MLLT3: variants seen among roughly 807,000 people sequenced by gnomAD.
MLLT3 encodes protein AF-9.
In MLLT3, 4 loss-of-function variants were observed where a neutral mutation model predicts 53.2. The observed-to-expected ratio is 0.08, with a 90% CI of 0.04 to 0.17. The LOEUF (loss-of-function observed/expected upper bound fraction) is 0.17, where lower values mean the gene tolerates loss of function less well. Ranked by LOEUF, MLLT3 falls within the 10% of genes least tolerant of loss-of-function variation. The pLI is 1.00. For missense variants in MLLT3, 569 were observed against 684.0 expected, an observed-to-expected ratio of 0.83 and a Z score of 1.87; for synonymous variants, 283 against 230.6, an observed-to-expected ratio of 1.23 and a Z score of -2.06.
chr9:20,491,300 G>GA (rs1260623113), intron 2 of MLLT3, among the ~76,000 whole-genome samples: 1 of 151,538 alleles, frequency 6.6e-6, no homozygotes, highest in African/African-American at 2.4e-5. Context: ...ATTATATGAA[G>GA]AAAAAAATGA....
At chr9:20,545,024 G>C (rs1000697017) in intron 2 of MLLT3, among the ~76,000 whole-genome samples, 3 of 148,088 alleles carry the variant, frequency 2.0e-5, no homozygotes, top group African/African-American at 7.6e-5. Context: ...GAACACAGGA[G>C]CTCGAGGTTA....
intron 5 of MLLT3, among the ~76,000 whole-genome samples, chr9:20,389,007 G>A (rs566833940): frequency 6.6e-6 from 1 of 152,226 alleles, no homozygotes; most frequent in Admixed American, 6.5e-5. Flanking sequence ...AGAAAGTAAT[G>A]TTTCATCAGT....
chr9:20,545,953 A>G (rs956859038), intron 2 of MLLT3, among the ~76,000 whole-genome samples: 1 of 152,160 alleles, frequency 6.6e-6, no homozygotes, highest in African/African-American at 2.4e-5. Context: ...AAGTGTTTCA[A>G]TGCTGCAGTG....
rs181001395 is a variant in MLLT3 at position 20,362,077 on chromosome 9, T to A, written c.1332-1236A>T. Among the ~76,000 whole-genome samples, 360 of 152,340 alleles carry A rather than the reference T, an allele frequency of 2.4e-3. 1 individual carries two copies. Among genetic ancestry groups the A allele is most frequent in the Admixed American group, 3.9e-3 (60 of 15,314 alleles). ...CTTGAGTGAAGTGGAAGGCTAAGTA[T>A]TTAAACTGATTAAACAGTTGAGACT... On this transcript the variant is annotated intron_variant, in intron 7 of 10. Coordinates refer to ENST00000380338, the MANE Select transcript of MLLT3 (RefSeq NM_004529.4).
chr9:20,356,221 C>T (rs927925154), intron 8 of MLLT3, among the ~76,000 whole-genome samples: 1 of 152,170 alleles, frequency 6.6e-6, no homozygotes, highest in African/African-American at 2.4e-5. Flanking sequence ...GTCCTTTTAA[C>T]AGTCTTTCCT....
At chr9:20,556,103 C>A (rs906998799) in intron 2 of MLLT3, among the ~76,000 whole-genome samples, 1 of 151,710 alleles carries the variant, frequency 6.6e-6, no homozygotes, top group African/African-American at 2.4e-5. Context: ...TAGTAATAAA[C>A]GAATTTATAA....
chr9:20,404,766 A>G (rs1822539804), intron 5 of MLLT3, among the ~76,000 whole-genome samples: 1 of 152,156 alleles, frequency 6.6e-6, no homozygotes, highest in Non-Finnish European at 1.5e-5. Flanking sequence ...TTGGCCTCCC[A>G]AAGCACTGGG....
chr9:20,502,224 C>T (rs1428539627), intron 2 of MLLT3: 1 of 153,902 alleles, frequency 6.5e-6, no homozygotes, highest in Non-Finnish European at 1.5e-5. Context: ...CCTGGCTTGA[C>T]AGGGCACCAC....
chr9:20,448,024 C>G lies in MLLT3; in HGVS notation c.420+99G>C. The G allele has an allele frequency of 7.3e-7, 1 of 1,366,070 alleles. No homozygotes were observed. Among genetic ancestry groups the G allele is most frequent in the Non-Finnish European group, 1.0e-6 (1 of 1,001,826 alleles). 84.6% of individuals were successfully genotyped at this position (1,366,070 alleles called of 1,614,324 possible). ...TCATTTCTTTTACCTCTCCCAAAAC[C>G]TTATACTTTTTAACACATGAGGAAC... On this transcript the variant is annotated intron_variant, in intron 4 of 10. Coordinates refer to ENST00000380338, the MANE Select transcript of MLLT3 (RefSeq NM_004529.4). This position sits in a 1 kb window ranked among gnomAD's most constrained non-coding sequence, Gnocchi z 4.0.
At chr9:20,401,045 A>C (rs1285477767) in intron 5 of MLLT3, among the ~76,000 whole-genome samples, 1 of 152,164 alleles carries the variant, frequency 6.6e-6, no homozygotes, top group African/African-American at 2.4e-5. Flanking sequence ...TGAATAGAAG[A>C]AGCAGGAGGA....
chr9:20,415,745 C>G (rs1457733144), intron 4 of MLLT3, among the ~76,000 whole-genome samples: 1 of 151,962 alleles, frequency 6.6e-6, no homozygotes, highest in Non-Finnish European at 1.5e-5. Context: ...AATGAACAAT[C>G]TACTTATTGG....
intron 5 of MLLT3, among the ~76,000 whole-genome samples, chr9:20,373,465 G>A (rs1016228851): frequency 2.6e-5 from 4 of 152,176 alleles, no homozygotes; most frequent in African/African-American, 9.6e-5. Context: ...GATCACAGGG[G>A]AGGCCTGCAT....
At chr9:20,507,401 C>G (rs975506817) in intron 2 of MLLT3, among the ~76,000 whole-genome samples, 4 of 152,098 alleles carry the variant, frequency 2.6e-5, no homozygotes, top group Admixed American at 2.6e-4. Flanking sequence ...TGACTGCAGC[C>G]TAGGCTCAAA....
At chr9:20,554,696 C>A (rs1045563624) in intron 2 of MLLT3, among the ~76,000 whole-genome samples, 1 of 152,184 alleles carries the variant, frequency 6.6e-6, no homozygotes, top group African/African-American at 2.4e-5. Context: ...ATGGGTGACA[C>A]CCTCCAAAGA....
At chr9:20,527,322 T>C (rs1473453530) in intron 2 of MLLT3, among the ~76,000 whole-genome samples, 1 of 152,184 alleles carries the variant, frequency 6.6e-6, no homozygotes, top group Non-Finnish European at 1.5e-5. Context: ...ATGAGCCTTA[T>C]TCCTGGATTA....
chr9:20,609,014 G>A (rs1820637044), intron 2 of MLLT3, among the ~76,000 whole-genome samples: 1 of 151,948 alleles, frequency 6.6e-6, no homozygotes, highest in Admixed American at 6.6e-5. Flanking sequence ...AAAATGAACT[G>A]AATCAATGAT....
At chr9:20,547,470 C>A (rs960878456) in intron 2 of MLLT3, among the ~76,000 whole-genome samples, 4 of 151,560 alleles carry the variant, frequency 2.6e-5, no homozygotes, top group African/African-American at 9.7e-5. Flanking sequence ...ATGATGAAAC[C>A]CCGTCTCTAT....
chr9:20,369,617 G>C (rs964668331), intron 5 of MLLT3, among the ~76,000 whole-genome samples: 1 of 152,120 alleles, frequency 6.6e-6, no homozygotes, highest in African/African-American at 2.4e-5. Flanking sequence ...GGCTGACACT[G>C]TCTTACATTT....
At chr9:20,549,420 A>T (rs1818871653) in intron 2 of MLLT3, among the ~76,000 whole-genome samples, 1 of 152,196 alleles carries the variant, frequency 6.6e-6, no homozygotes, top group Non-Finnish European at 1.5e-5. Context: ...TCCTACTAAT[A>T]ATATTAGTAG....
Sources: gnomAD v4.1 joint callset for allele counts (sites outside exome capture counted in the v4.1 genomes callset) on GRCh38, gnomAD v4.1.1 for gene constraint, Gnocchi (gnomAD v3.1) non-coding constraint, MANE v1.5 for transcripts, NCBI Gene and HGNC (gene_info 2026-07-23, HGNC 2026-07-21) for gene names.